KCND2: variants seen among roughly 807,000 people sequenced by gnomAD.
KCND2 encodes potassium voltage-gated channel subfamily D member 2.
A neutral mutation model predicts 54.4 loss-of-function variants in KCND2; 16 were observed. The observed-to-expected ratio is 0.29, with a 90% CI of 0.20 to 0.45. The LOEUF (loss-of-function observed/expected upper bound fraction) is 0.45, where lower values mean the gene tolerates loss of function less well. Among genes scored for constraint, KCND2 ranks in the 20% least tolerant of loss-of-function variants. The pLI, the probability that KCND2 is intolerant of heterozygous loss-of-function variation, is 1.00. For missense variants in KCND2, 486 were observed against 824.2 expected (o/e 0.59, Z 5.02); for synonymous variants, 317 against 310.7 (o/e 1.02, Z -0.21).
chr7:120,575,525 A>G (rs1316014183), intron 1 of KCND2, among the ~76,000 whole-genome samples: 2 of 152,056 alleles, frequency 1.3e-5, no homozygotes, highest in Non-Finnish European at 2.9e-5. Context: ...CTCAAATGTT[A>G]ATTTCCTTTG....
intron 2 of KCND2, among the ~76,000 whole-genome samples, chr7:120,737,058 AC>A (rs1562924255): frequency 3.9e-4 from 56 of 144,944 alleles, no homozygotes; most frequent in African/African-American, 1.3e-3. Context: ...ACACACACAC[AC>A]ACACACACAC....
intron 4 of KCND2, among the ~76,000 whole-genome samples, chr7:120,744,786 A>G (rs749443104): frequency 5.3e-5 from 8 of 152,114 alleles, no homozygotes; most frequent in East Asian, 1.9e-4. Context: ...GGAATTTGGT[A>G]TGTGCAAAGC....
At chr7:120,642,518 C>T (rs933026106) in intron 1 of KCND2, among the ~76,000 whole-genome samples, 2 of 151,026 alleles carry the variant, frequency 1.3e-5, no homozygotes, top group African/African-American at 4.9e-5. Context: ...GCTGAGACTG[C>T]ACTCCAGCCT....
chr7:120,535,532 C>T (rs945025673), intron 1 of KCND2, among the ~76,000 whole-genome samples: 5 of 151,964 alleles, frequency 3.3e-5, no homozygotes, highest in South Asian at 4.1e-4. Flanking sequence ...AAACAGAGAG[C>T]GAGAGGTCAC....
chr7:120,741,030 A>G (rs536260031), intron 2 of KCND2, among the ~76,000 whole-genome samples: 1 of 151,114 alleles, frequency 6.6e-6, no homozygotes, highest in East Asian at 1.9e-4. Flanking sequence ...ATGCAGATAT[A>G]GATGAATAAT....
chr7:120,706,127 T>C (rs960190211), intron 1 of KCND2, among the ~76,000 whole-genome samples: 8 of 152,016 alleles, frequency 5.3e-5, no homozygotes, highest in South Asian at 2.1e-4. Flanking sequence ...ATAAAACCAG[T>C]ACAAAAGGTC....
At chr7:120,398,820 T>G (rs779759866) in intron 1 of KCND2, among the ~76,000 whole-genome samples, 13 of 152,032 alleles carry the variant, frequency 8.6e-5, no homozygotes, top group Non-Finnish European at 1.6e-4. Context: ...AAAGTACCCT[T>G]AATGGACTAA....
intron 1 of KCND2, among the ~76,000 whole-genome samples, chr7:120,355,432 A>C (rs1800488672): frequency 6.6e-6 from 1 of 152,130 alleles, no homozygotes; most frequent in Non-Finnish European, 1.5e-5. Context: ...CTGTAGTCTC[A>C]GCCACTCTGG....
intron 1 of KCND2, among the ~76,000 whole-genome samples, chr7:120,467,370 G>C (rs545515340): frequency 1.4e-3 from 213 of 152,248 alleles, no homozygotes; most frequent in African/African-American, 4.9e-3. Flanking sequence ...GTGTCCTTAA[G>C]AGAATTGTGC....
chr7:120,396,144 G>C (rs1003187376), intron 1 of KCND2, among the ~76,000 whole-genome samples: 1 of 149,270 alleles, frequency 6.7e-6, no homozygotes, highest in African/African-American at 2.6e-5. Context: ...GCTGGCAATT[G>C]CTTGTTTAAT....
intron 1 of KCND2, among the ~76,000 whole-genome samples, chr7:120,500,146 G>A (rs1379763796): frequency 6.6e-6 from 1 of 152,128 alleles, no homozygotes; most frequent in African/African-American, 2.4e-5. Flanking sequence ...AACTACTGTA[G>A]GAGGTCAGAA....
In KCND2 at chr7:120,273,206, A is replaced by G. The variant is rs951752449; in HGVS notation, c.-1427A>G. On this transcript the variant is annotated 5_prime_UTR_variant, in exon 1 of 6. Transcript: ENST00000331113. ...TGCGTGGCGGGGCGTGCGCGCGGTT[A>G]TTTATTTATTTTCTCCTTATTTATT... 6.6e-6 allele frequency among the ~76,000 whole-genome samples: 1 copy of G among 151,980 alleles called. No homozygotes were observed. Among genetic ancestry groups the G allele is most frequent in the Non-Finnish European group, 1.5e-5 (1 of 67,976 alleles).
chr7:120,396,630 G>C (rs1406047556), intron 1 of KCND2, among the ~76,000 whole-genome samples: 1 of 151,884 alleles, frequency 6.6e-6, no homozygotes, highest in Non-Finnish European at 1.5e-5. Flanking sequence ...ATTTCAGTTA[G>C]AGAGGATAAG....
chr7:120,723,187 G>T (rs1450693462), intron 1 of KCND2, among the ~76,000 whole-genome samples: 1 of 152,182 alleles, frequency 6.6e-6, no homozygotes, highest in Non-Finnish European at 1.5e-5. Context: ...ACCAAAACAT[G>T]CATCTTAGGG....
chr7:120,285,753 T>C (rs1476694481), intron 1 of KCND2, among the ~76,000 whole-genome samples: 1 of 151,944 alleles, frequency 6.6e-6, no homozygotes, highest in Non-Finnish European at 1.5e-5. Context: ...GCTTTTGCAT[T>C]TAAAATTGTA....
chr7:120,447,295 A>G (rs1165155350), intron 1 of KCND2, among the ~76,000 whole-genome samples: 1 of 151,512 alleles, frequency 6.6e-6, no homozygotes, highest in Non-Finnish European at 1.5e-5. Context: ...TATATAACCT[A>G]GTTCTGGCCA....
At position 120,393,991 on chromosome 7, in the gene KCND2, G is replaced by A. The variant is rs1040390450; in HGVS notation, c.1115+118244G>A. ...GATAACTTACTGTCTTTTTCAGGCC[G>A]TAAATTATGGTTTTAAGTATGTATG... is the stretch of plus-strand genomic sequence containing the variant. On this transcript the variant is annotated intron_variant, in intron 1 of 5. Coordinates refer to ENST00000331113, the MANE Select transcript of KCND2 (RefSeq NM_012281.3). 2.6e-5 allele frequency among the ~76,000 whole-genome samples: 4 copies of A among 151,892 alleles called. No individual in the cohort carries two copies. The South Asian group carries it at 6.2e-4, about 24-fold the overall frequency.
chr7:120,528,435 T>C (rs2116359717), intron 1 of KCND2, among the ~76,000 whole-genome samples: 1 of 152,262 alleles, frequency 6.6e-6, no homozygotes, highest in East Asian at 1.9e-4. Flanking sequence ...TTGGAGTTAT[T>C]AAATCAATCC....
At chr7:120,354,761 A>C (rs970254018) in intron 1 of KCND2, among the ~76,000 whole-genome samples, 8 of 152,242 alleles carry the variant, frequency 5.3e-5, no homozygotes, top group Non-Finnish European at 1.2e-4. Context: ...CGCTGCCTCC[A>C]AAAGAAAACA....
Sources: gnomAD v4.1 joint callset for allele counts (sites outside exome capture counted in the v4.1 genomes callset) on GRCh38, gnomAD v4.1.1 for gene constraint, MANE v1.5 for transcripts, NCBI Gene and HGNC (gene_info 2026-07-23, HGNC 2026-07-21) for gene names.